Variants in HCN1 observed in about 807,000 individuals in gnomAD.
HCN1 encodes potassium/sodium hyperpolarization-activated cyclic nucleotide-gated channel 1.
HCN1 carries 13 observed loss-of-function variants against 78.9 expected under a neutral mutation model. The ratio of observed to expected loss-of-function variants is 0.16; its 90% CI spans 0.11 to 0.26. The LOEUF is 0.26. HCN1 is among the 10% of genes least tolerant of loss of function. The pLI is 1.00. For missense variants in HCN1, 810 were observed against 1,154.3 expected (o/e 0.70, Z 4.32); for synonymous variants, 552 against 455.5 (o/e 1.21, Z -2.70).
chr5:45,654,282 C>G (rs1428986323), intron 1 of HCN1, among the ~76,000 whole-genome samples: 1 of 151,998 alleles, frequency 6.6e-6, no homozygotes, highest in East Asian at 1.9e-4. Flanking sequence ...AGCATTCTAT[C>G]TTTATAATGA....
At chr5:45,412,688 A>G (rs1740046235) in intron 3 of HCN1, among the ~76,000 whole-genome samples, 1 of 152,212 alleles carries the variant, frequency 6.6e-6, no homozygotes, top group Admixed American at 6.6e-5. Flanking sequence ...TCAGTATTCA[A>G]ATAGCCTCCT....
Position 45,405,206 on chromosome 5 carries a change from C to T in HCN1, c.1012-8496G>A, listed in dbSNP as rs972973081. Among the ~76,000 whole-genome samples, 3 of 151,976 alleles carry T rather than the reference C, an allele frequency of 2.0e-5. No homozygotes were observed. In the East Asian group the frequency reaches 5.8e-4, roughly 29 times the overall value. ...GAAATGCCAATCAGATAGAAAGTTGCATTTAAAAGTTCTTAAGGAAAAGAA... is the reference window on the plus strand; with the variant it reads ...GAAATGCCAATCAGATAGAAAGTTGTATTTAAAAGTTCTTAAGGAAAAGAA... On this transcript the variant is annotated intron_variant, in intron 3 of 7. Transcript: ENST00000303230.
chr5:45,688,283 T>C (rs1739845376), intron 1 of HCN1, among the ~76,000 whole-genome samples: 1 of 152,136 alleles, frequency 6.6e-6, no homozygotes, highest in African/African-American at 2.4e-5. Context: ...TTGTTTCTTA[T>C]TATGTAAAAG....
intron 6 of HCN1, among the ~76,000 whole-genome samples, chr5:45,291,821 C>A (rs1207601318): frequency 6.6e-6 from 1 of 152,016 alleles, no homozygotes; most frequent in South Asian, 2.1e-4. Context: ...CAAGCCACCA[C>A]ATCCAGTGCT....
In HCN1 at chr5:45,262,122, T is replaced by A. The variant is rs1744753665; in HGVS notation, c.2472A>T (p.Gly824=). ...SIPQPVTAVP[G]TGLQAGGRST... is the part of the protein sequence containing the mutation. Reference sequence around the variant, plus strand: ...TCCTGCCCCCTGCCTGAAGGCCCGTTCCGGGGACCGCCGTCACGGGTTGAG... The same window carrying A: ...TCCTGCCCCCTGCCTGAAGGCCCGTACCGGGGACCGCCGTCACGGGTTGAG... Residue 824 remains glycine (G), a synonymous_variant, in exon 8 of 8, where the codon GGA becomes GGT. Transcript: ENST00000303230. 6.2e-7 allele frequency: 1 copy of A among 1,612,962 alleles called. No homozygotes were observed. The highest frequency in any genetic ancestry group is 1.1e-5 in the South Asian group (1 of 91,066).
intron 2 of HCN1, among the ~76,000 whole-genome samples, chr5:45,497,426 T>C (rs2111720705): frequency 6.6e-6 from 1 of 152,362 alleles, no homozygotes; most frequent in South Asian, 2.1e-4. Context: ...TTAGCTCTTC[T>C]TGTTGAATTG....
rs534060857 is a variant in HCN1, at chr5:45,404,973, T to C, written c.1012-8263A>G. 2.0e-4 allele frequency among the ~76,000 whole-genome samples: 30 copies of C among 152,216 alleles called. No homozygotes were observed. The South Asian group carries it at 5.8e-3, about 29-fold the overall frequency. The stretch of plus-strand genomic sequence containing the variant: ...AAACGTGTTGAAGTAGGTAAAATCT[T>C]AGGAAAATCTAAAATATGGCACTCA... On this transcript the variant is annotated intron_variant, in intron 3 of 7. Transcript: ENST00000303230.
At chr5:45,482,552 G>A (rs986384452) in intron 2 of HCN1, among the ~76,000 whole-genome samples, 1 of 152,068 alleles carries the variant, frequency 6.6e-6, no homozygotes, top group African/African-American at 2.4e-5. Context: ...CCTCCAAAAC[G>A]ATTTCTGAGC....
chr5:45,445,852 A>C (rs910597955), intron 3 of HCN1, among the ~76,000 whole-genome samples: 17 of 152,202 alleles, frequency 1.1e-4, no homozygotes, highest in African/African-American at 2.4e-5. Flanking sequence ...GAAAACTAAC[A>C]AACACAAAGG....
At chr5:45,695,645 G>T in intron 1 of HCN1, 24 bp downstream of exon 1, 1 of 1,606,350 alleles carries the variant, frequency 6.2e-7, no homozygotes, top group Non-Finnish European at 8.5e-7. Context: ...AAGGGAGGGT[G>T]GGGCGGCGAC....
At chr5:45,408,358 C>T (rs1470516955) in intron 3 of HCN1, among the ~76,000 whole-genome samples, 2 of 151,942 alleles carry the variant, frequency 1.3e-5, no homozygotes, top group East Asian at 3.9e-4. Context: ...ACTGTTATAC[C>T]CTTTTATTTT....
intron 6 of HCN1, among the ~76,000 whole-genome samples, chr5:45,296,401 A>G (rs941661262): frequency 6.6e-6 from 1 of 151,960 alleles, no homozygotes; most frequent in Non-Finnish European, 1.5e-5. Flanking sequence ...AGTCTCAGAT[A>G]ATATTAAAAA....
chr5:45,613,956 C>T (rs2111983293), intron 2 of HCN1, among the ~76,000 whole-genome samples: 2 of 152,026 alleles, frequency 1.3e-5, no homozygotes, highest in Admixed American at 1.3e-4. Context: ...GAAATGGTTA[C>T]TGTAATAAAA....
intron 2 of HCN1, among the ~76,000 whole-genome samples, chr5:45,591,298 T>C (rs1480556920): frequency 1.3e-5 from 2 of 152,158 alleles, no homozygotes; most frequent in African/African-American, 4.8e-5. Context: ...AGGGATAGGA[T>C]TGCTGGATCC....
intron 2 of HCN1, among the ~76,000 whole-genome samples, chr5:45,463,662 C>A (rs774479992): frequency 1.3e-5 from 2 of 151,954 alleles, no homozygotes; most frequent in African/African-American, 4.8e-5. Context: ...ACTCTACTAA[C>A]AATTTCATCA....
chr5:45,442,486 T>C (rs1225017631), intron 3 of HCN1, among the ~76,000 whole-genome samples: 1 of 151,504 alleles, frequency 6.6e-6, no homozygotes, highest in East Asian at 1.9e-4. Context: ...AAAGCAATAA[T>C]TATATAAAAT....
At chr5:45,440,707 T>C (rs904975468) in intron 3 of HCN1, among the ~76,000 whole-genome samples, 3 of 152,192 alleles carry the variant, frequency 2.0e-5, no homozygotes, top group African/African-American at 7.2e-5. Flanking sequence ...CACTTACTTG[T>C]TGTGTACTGA....
At chr5:45,316,967 A>G (rs1253293750) in intron 5 of HCN1, among the ~76,000 whole-genome samples, 1 of 152,132 alleles carries the variant, frequency 6.6e-6, no homozygotes, top group African/African-American at 2.4e-5. Flanking sequence ...AAGAATCAAT[A>G]TTGTGTAAAT....
intron 6 of HCN1, among the ~76,000 whole-genome samples, chr5:45,300,302 C>A (rs1172784503): frequency 6.6e-6 from 1 of 152,016 alleles, no homozygotes; most frequent in Non-Finnish European, 1.5e-5. Context: ...CTACTTAACA[C>A]AGGTTTGAGC....
Sources: allele counts gnomAD v4.1 joint callset (sites outside exome capture counted in the v4.1 genomes callset), GRCh38; gene constraint gnomAD v4.1.1; transcripts MANE v1.5; gene names NCBI Gene and HGNC (gene_info 2026-07-23, HGNC 2026-07-21).